Variants in MEGF10 observed in about 807,000 individuals in gnomAD.
MEGF10 encodes the protein multiple EGF like domains 10.
MEGF10 carries 86 observed loss-of-function variants against 147.5 expected under a neutral mutation model. The ratio of observed to expected loss-of-function variants is 0.58; its 90% CI spans 0.49 to 0.70. The LOEUF is 0.70. MEGF10 is among the 30% of genes least tolerant of loss of function. MEGF10 has a pLI of 0.00. For missense variants in MEGF10, 1,329 were observed against 1,487.3 expected, an observed-to-expected ratio of 0.89 and a Z score of 1.75; for synonymous variants, 478 against 525.5, an observed-to-expected ratio of 0.91 and a Z score of 1.24.
At chr5:127,314,494 G>T (rs1170865520) in intron 1 of MEGF10, among the ~76,000 whole-genome samples, 3 of 152,208 alleles carry the variant, frequency 2.0e-5, no homozygotes, top group East Asian at 3.8e-4. Flanking sequence ...GGTTCCGTTA[G>T]AGATTTCTAT....
chr5:127,395,463 G>A (rs530656472), intron 5 of MEGF10, among the ~76,000 whole-genome samples: 93 of 143,496 alleles, frequency 6.5e-4, no homozygotes, highest in African/African-American at 2.3e-3. Flanking sequence ...AAGCATATTT[G>A]TCCATTTTTT....
In MEGF10 at chr5:127,398,575, A is replaced by G. The variant is rs6595767; in HGVS notation, c.660-101A>G. ...AATTAATTAAATGAACAATTATTGA[A>G]CACAGAAAGCTTGTCTATTTTGGGG... On this transcript the variant is annotated intron_variant, in intron 6 of 24. Coordinates refer to ENST00000503335, the MANE Select transcript of MEGF10 (RefSeq NM_001256545.2). The G allele has an allele frequency of 0.15, 207,715 of 1,347,424 alleles. 17,348 individuals are homozygous for G. The highest frequency in any genetic ancestry group is 0.31 in the African/African-American group (21,596 of 68,844). The allele number at this position is 1,347,424 out of a possible 1,614,324, so 83.5% of individuals were successfully genotyped here.
At chr5:127,251,157 A>G in the MEGF10 span, among the ~76,000 whole-genome samples, 3 of 152,246 alleles carry the variant, frequency 2.0e-5, no homozygotes, top group South Asian at 6.2e-4. Flanking sequence ...CTCCTAGAAG[A>G]AAAAATGAGG....
chr5:127,401,007 T>C (rs2126931534), intron 7 of MEGF10, among the ~76,000 whole-genome samples: 1 of 152,322 alleles, frequency 6.6e-6, no homozygotes, highest in East Asian at 1.9e-4. Context: ...CGAAGAGAAA[T>C]CATGTCCTCT....
At chr5:127,330,250 C>G (rs1004544420) in intron 1 of MEGF10, among the ~76,000 whole-genome samples, 2 of 152,314 alleles carry the variant, frequency 1.3e-5, no homozygotes, top group East Asian at 3.9e-4. Context: ...ACCTGGCCTC[C>G]CTCCAAGAGC....
At chr5:127,435,720 A>C (rs1765533026) in intron 16 of MEGF10, among the ~76,000 whole-genome samples, 1 of 152,064 alleles carries the variant, frequency 6.6e-6, no homozygotes, top group Non-Finnish European at 1.5e-5. Flanking sequence ...GAACCTAAAT[A>C]TGTAACATTT....
At chr5:127,386,210 GT>G (rs1763429372) in intron 5 of MEGF10, among the ~76,000 whole-genome samples, 1 of 152,200 alleles carries the variant, frequency 6.6e-6, no homozygotes, top group African/African-American at 2.4e-5. Flanking sequence ...GGGCATTTCT[GT>G]TGCTGTCATT....
At chr5:127,244,367 GA>G in the MEGF10 span, among the ~76,000 whole-genome samples, 3,825 of 105,558 alleles carry the variant, frequency 0.036, 118 homozygotes, top group African/African-American at 0.1. Context: ...GCGAGACTCC[GA>G]AAAAAAAAAA....
At chr5:127,432,036 C>T (rs889191743) in intron 13 of MEGF10, among the ~76,000 whole-genome samples, 6 of 152,134 alleles carry the variant, frequency 3.9e-5, no homozygotes, top group African/African-American at 9.7e-5. Flanking sequence ...CTATGGGAAA[C>T]ATTTAAACCC....
At chr5:127,418,474 G>A (rs1764860868) in intron 10 of MEGF10, among the ~76,000 whole-genome samples, 1 of 152,212 alleles carries the variant, frequency 6.6e-6, no homozygotes, top group Non-Finnish European at 1.5e-5. Context: ...GGATCATAAG[G>A]TCACAGAGCT....
At chr5:127,315,008 G>T (rs543680499) in intron 1 of MEGF10, among the ~76,000 whole-genome samples, 36 of 151,900 alleles carry the variant, frequency 2.4e-4, no homozygotes, top group Non-Finnish European at 4.0e-4. Context: ...TAAAGACTTT[G>T]AATCTTAAAA....
At chr5:127,337,579 C>G (rs1394847122) in intron 2 of MEGF10, among the ~76,000 whole-genome samples, 1 of 152,058 alleles carries the variant, frequency 6.6e-6, no homozygotes, top group African/African-American at 2.4e-5. Flanking sequence ...GGGCCTCTTG[C>G]TTTACCCAAA....
intron 1 of MEGF10, among the ~76,000 whole-genome samples, chr5:127,323,610 A>G (rs1359598424): frequency 1.3e-5 from 2 of 152,238 alleles, no homozygotes; most frequent in South Asian, 2.1e-4. Flanking sequence ...TAATTTTGGT[A>G]TGACATACTT....
intron 13 of MEGF10, among the ~76,000 whole-genome samples, chr5:127,424,175 A>C (rs1407018050): frequency 6.6e-6 from 1 of 152,212 alleles, no homozygotes; most frequent in African/African-American, 2.4e-5. Context: ...AAAATTCAGC[A>C]TTCCATAAAT....
Position 127,409,183 on chromosome 5 carries a change from A to G in MEGF10, c.918-1206A>G, listed in dbSNP as rs115287435. On this transcript the variant is annotated intron_variant, in intron 8 of 24. Coordinates refer to ENST00000503335, the MANE Select transcript of MEGF10 (RefSeq NM_001256545.2). Reference sequence around the variant, plus strand: ...TTAAAAATATGCAAAGTTTTGTGGAAACACTATTTCTTTGAAGTATGTTTC... The same window carrying G: ...TTAAAAATATGCAAAGTTTTGTGGAGACACTATTTCTTTGAAGTATGTTTC... 2.3e-3 allele frequency among the ~76,000 whole-genome samples: 347 copies of G among 152,310 alleles called. 1 individual carries two copies. Among genetic ancestry groups the G allele is most frequent in the African/African-American group, 7.9e-3 (328 of 41,558 alleles).
the MEGF10 span, among the ~76,000 whole-genome samples, chr5:127,230,111 G>C: frequency 6.6e-6 from 1 of 152,136 alleles, no homozygotes; most frequent in Admixed American, 6.5e-5. Flanking sequence ...GTTTGTCCAT[G>C]TCGTTCCCCA....
chr5:127,334,984 C>T (rs574474382), intron 2 of MEGF10, among the ~76,000 whole-genome samples: 1 of 152,186 alleles, frequency 6.6e-6, no homozygotes, highest in Non-Finnish European at 1.5e-5. Context: ...TCTCCTCCCC[C>T]ACTCCCTGGT....
intron 17 of MEGF10, among the ~76,000 whole-genome samples, chr5:127,439,744 C>G (rs1765688608): frequency 6.6e-6 from 1 of 152,204 alleles, no homozygotes. Flanking sequence ...CATGGCCCTG[C>G]CGTCCTGCCA....
At chr5:127,288,077 C>G (rs1340517441), upstream of MEGF10, among the ~76,000 whole-genome samples, 1 of 152,036 alleles carries the variant, frequency 6.6e-6, no homozygotes, top group Non-Finnish European at 1.5e-5. Flanking sequence ...GCCCTTACTT[C>G]ATACCATACA....
Sources: gnomAD v4.1 joint callset for allele counts (sites outside exome capture counted in the v4.1 genomes callset) on GRCh38, gnomAD v4.1.1 for gene constraint, MANE v1.5 for transcripts, NCBI Gene and HGNC (gene_info 2026-07-23, HGNC 2026-07-21) for gene names.